Variants in CIB4 observed in about 807,000 individuals in gnomAD.
The protein encoded by CIB4 is calcium and integrin binding family member 4.
CIB4 carries 25 observed loss-of-function variants against 25.8 expected under a neutral mutation model. The ratio of observed to expected loss-of-function variants is 0.97; its 90% CI spans 0.71 to 1.35. CIB4 has a LOEUF of 1.35. Ranked by LOEUF, CIB4 falls within the 40% of genes most tolerant of loss-of-function variation. The pLI, the probability that CIB4 is intolerant of heterozygous loss-of-function variation, is 0.00. For synonymous variants in CIB4, 75 were observed against 81.4 expected (o/e 0.92, Z 0.42); for missense variants, 235 against 228.2 (o/e 1.03, Z -0.19).
intron 3 of CIB4, among the ~76,000 whole-genome samples, chr2:26,604,940 TACAGA>T (rs1558562612): frequency 6.6e-6 from 1 of 152,194 alleles, no homozygotes; most frequent in African/African-American, 2.4e-5. Context: ...ATTGATATTT[TACAGA>T]ACACGCCACC....
chr2:26,584,760 G>A (rs946868802), intron 4 of CIB4, among the ~76,000 whole-genome samples: 20 of 152,158 alleles, frequency 1.3e-4, no homozygotes, highest in East Asian at 5.8e-4. Context: ...GGATGCTGCC[G>A]TGGCCCTGGT....
intron 2 of CIB4, among the ~76,000 whole-genome samples, chr2:26,637,031 C>T (rs1384124098): frequency 6.6e-6 from 1 of 152,168 alleles, no homozygotes; most frequent in African/African-American, 2.4e-5. Flanking sequence ...CTCTAAAATG[C>T]TGACCAGAAG....
intron 4 of CIB4, among the ~76,000 whole-genome samples, chr2:26,593,187 C>G (rs190234772): frequency 6.6e-6 from 1 of 152,124 alleles, no homozygotes; most frequent in Non-Finnish European, 1.5e-5. Flanking sequence ...ATTATGCTAC[C>G]GCCTTTCCTA....
At chr2:26,598,792 C>T (rs1413166004) in intron 3 of CIB4, among the ~76,000 whole-genome samples, 2 of 152,162 alleles carry the variant, frequency 1.3e-5, no homozygotes, top group African/African-American at 2.4e-5. Context: ...CAGCTCCAGT[C>T]AAAGGGGCAC....
intron 3 of CIB4, among the ~76,000 whole-genome samples, chr2:26,612,766 G>A (rs1669020778): frequency 6.6e-6 from 1 of 152,208 alleles, no homozygotes; most frequent in Non-Finnish European, 1.5e-5. Context: ...TGCTCCCCGT[G>A]ACGACTTTCC....
At chr2:26,593,910 C>G (rs1216649120) in intron 4 of CIB4, among the ~76,000 whole-genome samples, 1 of 152,178 alleles carries the variant, frequency 6.6e-6, no homozygotes, top group African/African-American at 2.4e-5. Flanking sequence ...TTTGGACTCC[C>G]TTTCTCTTTC....
intron 6 of CIB4, among the ~76,000 whole-genome samples, chr2:26,582,110 G>A (rs1313713806): frequency 2.0e-5 from 3 of 152,208 alleles, no homozygotes; most frequent in Non-Finnish European, 2.9e-5. Flanking sequence ...GCTGGCTGAG[G>A]TCTAGCTCTT....
intron 3 of CIB4, among the ~76,000 whole-genome samples, chr2:26,616,015 G>C (rs1447021291): frequency 6.6e-6 from 1 of 152,192 alleles, no homozygotes; most frequent in Non-Finnish European, 1.5e-5. Context: ...GGGGCGGTGG[G>C]GGGTGAGCAC....
chr2:26,617,755 T>G (rs574922399), intron 3 of CIB4, among the ~76,000 whole-genome samples: 261 of 148,716 alleles, frequency 1.8e-3, no homozygotes, highest in African/African-American at 6.4e-3. Context: ...CCCCTGCGGC[T>G]GCTTTCCTCC....
At chr2:26,585,301 A>G (rs1409889236) in intron 4 of CIB4, among the ~76,000 whole-genome samples, 1 of 150,228 alleles carries the variant, frequency 6.7e-6, no homozygotes, top group Non-Finnish European at 1.5e-5. Flanking sequence ...GCAGCAGAGG[A>G]GCCACCCTGG....
intron 2 of CIB4, among the ~76,000 whole-genome samples, chr2:26,631,792 G>T (rs1266448433): frequency 1.3e-5 from 2 of 152,178 alleles, no homozygotes; most frequent in Non-Finnish European, 2.9e-5. Context: ...GAGGACTGGA[G>T]GTATGAGGGA....
intron 3 of CIB4, among the ~76,000 whole-genome samples, chr2:26,626,109 C>A (rs1427182055): frequency 6.6e-6 from 1 of 152,100 alleles, no homozygotes; most frequent in Non-Finnish European, 1.5e-5. Context: ...GTTTGTGTAC[C>A]TTTACCATGC....
chr2:26,633,491 G>A (rs888779369), intron 2 of CIB4, among the ~76,000 whole-genome samples: 5 of 152,132 alleles, frequency 3.3e-5, no homozygotes. Flanking sequence ...CCAGGTGAGA[G>A]ACTCGAGTCA....
intron 4 of CIB4, among the ~76,000 whole-genome samples, chr2:26,586,581 C>A (rs1668457711): frequency 6.6e-6 from 1 of 152,194 alleles, no homozygotes; most frequent in Non-Finnish European, 1.5e-5. Flanking sequence ...GTGCCCAGAA[C>A]AATGCCTGGG....
At chr2:26,618,775 G>A (rs1669144919) in intron 3 of CIB4, among the ~76,000 whole-genome samples, 1 of 152,196 alleles carries the variant, frequency 6.6e-6, no homozygotes, top group African/African-American at 2.4e-5. Context: ...GGGTCCTCAT[G>A]GAGGAAGAAG....
chr2:26,584,842 A>T (rs1361973878), intron 4 of CIB4, among the ~76,000 whole-genome samples: 2 of 151,918 alleles, frequency 1.3e-5, no homozygotes, highest in Non-Finnish European at 2.9e-5. Flanking sequence ...CAGCACCGGG[A>T]CTTCCCAGAC....
Position 26,625,571 on chromosome 2 carries a change from C to T in CIB4, c.186+3839G>A, listed in dbSNP as rs746783882. Among the ~76,000 whole-genome samples, 52 of 152,092 alleles carry T rather than the reference C, an allele frequency of 3.4e-4. 3 individuals carry two copies. Among genetic ancestry groups the T allele is most frequent in the Admixed American group, 3.1e-3 (47 of 15,270 alleles). ...TTTTCCATGTTAATCAGGCTGGTCT[C>T]GAACTCCCAACCTCAGGTGATCCAC... On this transcript the variant is annotated intron_variant, in intron 3 of 6. Transcript: ENST00000288861.
At chr2:26,626,433 T>A in intron 3 of CIB4, among the ~76,000 whole-genome samples, 1 of 148,246 alleles carries the variant, frequency 6.7e-6, no homozygotes. Context: ...GGGATCCAAA[T>A]CAACATGTAT....
At chr2:26,636,581 A>T (rs1176848761) in intron 2 of CIB4, among the ~76,000 whole-genome samples, 2 of 152,146 alleles carry the variant, frequency 1.3e-5, no homozygotes, top group Non-Finnish European at 2.9e-5. Flanking sequence ...TTTTGCCTCT[A>T]GGTTGAAAGC....
Sources: gnomAD v4.1 joint callset for allele counts (sites outside exome capture counted in the v4.1 genomes callset) on GRCh38, gnomAD v4.1.1 for gene constraint, MANE v1.5 for transcripts, NCBI Gene and HGNC (gene_info 2026-07-23, HGNC 2026-07-21) for gene names.